The following TTC9 variants were observed in gnomAD, a reference collection of about 807,000 sequenced individuals.
TTC9 encodes tetratricopeptide repeat domain 9.
TTC9 carries 13 observed loss-of-function variants against 22.9 expected under a neutral mutation model. The observed-to-expected ratio is 0.57, with a 90% CI of 0.37 to 0.90. TTC9 has a LOEUF of 0.90. TTC9 is among the 40% of genes least tolerant of loss of function. The pLI, the probability that TTC9 is intolerant of heterozygous loss-of-function variation, is 0.01. For synonymous variants in TTC9, 148 were observed against 133.2 expected (o/e 1.11, Z -0.77); for missense variants, 280 against 291.8 (o/e 0.96, Z 0.29).
In TTC9 at chr14:70,642,544, C is replaced by T; in HGVS notation, c.406+9C>T. ...TTACAACAGCCTGGCAGGTGAGCCG[C>T]GCCGCGCCCCCCGCGCCGCGGTCCC... On this transcript the variant is annotated intron_variant, in intron 1 of 2. Coordinates refer to ENST00000256367, the MANE Select transcript of TTC9 (RefSeq NM_015351.2). 1 of 1,532,610 alleles carries T rather than the reference C, an allele frequency of 6.5e-7. No individual in the cohort carries two copies. Among genetic ancestry groups the T allele is most frequent in the Non-Finnish European group, 8.8e-7 (1 of 1,140,780 alleles). The allele number at this position is 1,532,610 out of a possible 1,614,324, so 94.9% of individuals were successfully genotyped here. A position where few individuals can be genotyped will look rare whatever the true frequency, so the allele number is the denominator to read the frequency against.
chr14:70,645,044 G>A (rs1180844158), intron 1 of TTC9, among the ~76,000 whole-genome samples: 3 of 152,014 alleles, frequency 2.0e-5, no homozygotes, highest in Admixed American at 6.5e-5. Context: ...CCCGGGAGGC[G>A]GAGCTTGCAG....
At chr14:70,668,488 A>G (rs1886246515) in intron 2 of TTC9, among the ~76,000 whole-genome samples, 1 of 152,224 alleles carries the variant, frequency 6.6e-6, no homozygotes, top group Admixed American at 6.5e-5. Context: ...GCAAACAAAT[A>G]GTAAACAAAT....
intron 2 of TTC9, among the ~76,000 whole-genome samples, chr14:70,669,620 T>G (rs1886264515): frequency 6.6e-6 from 1 of 151,482 alleles, no homozygotes; most frequent in Non-Finnish European, 1.5e-5. Flanking sequence ...CTTTCAAAAG[T>G]CTTTAAAAAA....
chr14:70,668,316 C>G (rs1450846711), intron 2 of TTC9, among the ~76,000 whole-genome samples: 4 of 152,014 alleles, frequency 2.6e-5, no homozygotes, highest in Non-Finnish European at 5.9e-5. Flanking sequence ...TACAATATTG[C>G]TAGGTATATA....
At chr14:70,668,849 TAA>T (rs796950135) in intron 2 of TTC9, among the ~76,000 whole-genome samples, 52 of 91,104 alleles carry the variant, frequency 5.7e-4, no homozygotes, top group South Asian at 1.1e-3. Context: ...AGACCTTGTC[TAA>T]AAAAAAAAAA....
intron 1 of TTC9, among the ~76,000 whole-genome samples, chr14:70,645,333 C>A (rs867874620): frequency 1.3e-5 from 2 of 152,134 alleles, no homozygotes; most frequent in African/African-American, 4.8e-5. Flanking sequence ...TACACAATTA[C>A]CTCTAATCCA....
At chr14:70,647,577 AT>A (rs1443339461) in intron 1 of TTC9, among the ~76,000 whole-genome samples, 1 of 152,172 alleles carries the variant, frequency 6.6e-6, no homozygotes, top group Non-Finnish European at 1.5e-5. Context: ...CAGCATATTC[AT>A]TTAGTTATGG....
rs1885817644 is a variant in TTC9, at chr14:70,642,038, G to T, written c.-92G>T. ...CACGAAGCCTGCGAGGCGCGGGGCC[G>T]GCGCCCGCGGCTTTTAAACCCGGGA... On this transcript the variant is annotated 5_prime_UTR_variant, in exon 1 of 3. Coordinates refer to ENST00000256367, the MANE Select transcript of TTC9 (RefSeq NM_015351.2). 1.1e-6 allele frequency: 1 copy of T among 897,976 alleles called. No homozygotes were observed. The highest frequency in any genetic ancestry group is 1.3e-6 in the Non-Finnish European group (1 of 745,562). 55.6% of individuals were successfully genotyped at this position (897,976 alleles called of 1,614,324 possible).
intron 1 of TTC9, among the ~76,000 whole-genome samples, chr14:70,665,010 T>C (rs1359653485): frequency 2.0e-5 from 3 of 152,232 alleles, no homozygotes; most frequent in Non-Finnish European, 4.4e-5. Context: ...TAACCCTTTG[T>C]GGGAAGGGGG....
At chr14:70,655,157 G>T (rs1390613050) in intron 1 of TTC9, among the ~76,000 whole-genome samples, 1 of 152,242 alleles carries the variant, frequency 6.6e-6, no homozygotes, top group African/African-American at 2.4e-5. Flanking sequence ...ACTTTGGGAG[G>T]CCGAGGTGGG....
chr14:70,669,170 A>T (rs748443656), intron 2 of TTC9, among the ~76,000 whole-genome samples: 1 of 152,126 alleles, frequency 6.6e-6, no homozygotes, highest in African/African-American at 2.4e-5. Context: ...AATAAAAAAG[A>T]GTAAAGAGGG....
In TTC9 at chr14:70,671,084, G is replaced by A. The variant is rs1271970973; in HGVS notation, c.598G>A (p.Val200Met). 12 of 1,613,512 alleles carry A rather than the reference G, an allele frequency of 7.4e-6. No homozygotes were observed. The highest frequency in any genetic ancestry group is 2.2e-5 in the East Asian group (1 of 44,854). The change falls in exon 3 of 3, where the codon GTG becomes ATG. Residue 200 changes from valine to methionine, a missense_variant. By Grantham distance (21) the Val-to-Met change is conservative. Transcript: ENST00000256367. ...ARTQQPTDTN[V>M]IRYIQLTEMK... ...TATTTCTCTCCTCACAGACACCAAC[G>A]TGATTCGGTATATCCAGCTGACGGA... is the stretch of plus-strand genomic sequence containing the variant.
At chr14:70,650,390 G>A (rs949687471) in intron 1 of TTC9, among the ~76,000 whole-genome samples, 6 of 151,374 alleles carry the variant, frequency 4.0e-5, no homozygotes, top group African/African-American at 7.3e-5. Flanking sequence ...ACCACTGCAC[G>A]CCAGCCTGGG....
chr14:70,643,064 A>G (rs1360449059), intron 1 of TTC9, among the ~76,000 whole-genome samples: 1 of 152,258 alleles, frequency 6.6e-6, no homozygotes, highest in Non-Finnish European at 1.5e-5. Flanking sequence ...CCATGCCTTC[A>G]GCATCTTGAG....
chr14:70,662,708 A>G (rs1257671789), intron 1 of TTC9, among the ~76,000 whole-genome samples: 1 of 152,260 alleles, frequency 6.6e-6, no homozygotes, highest in African/African-American at 2.4e-5. Flanking sequence ...AGTAATTTTC[A>G]TAATGTTGGC....
chr14:70,672,729 A>C lies in TTC9; in HGVS notation c.*1574A>C, dbSNP rs1291952549. ...TTCAGATCTTTACATGTATAATCTC[A>C]TTTCTTTCATGCAGTTACTCTGGGA... On this transcript the variant is annotated 3_prime_UTR_variant, in exon 3 of 3. Coordinates refer to ENST00000256367, the MANE Select transcript of TTC9 (RefSeq NM_015351.2). 1 of 152,198 alleles carries C rather than the reference A, an allele frequency of 6.6e-6. No individual in the cohort carries two copies. The highest frequency in any genetic ancestry group is 1.5e-5 in the Non-Finnish European group (1 of 68,042). The allele number at this position is 152,198 out of a possible 1,614,324, so 9.4% of individuals were successfully genotyped here.
At position 70,642,431 on chromosome 14, in the gene TTC9, C is replaced by T. The variant is rs777504103; in HGVS notation, c.302C>T (p.Ser101Leu). Reference protein sequence around the residue: ...LPPPGERERDSRPASPAGALK... With the variant: ...LPPPGERERDLRPASPAGALK... Reference sequence around the variant, plus strand: ...CCCCCCGGGGAACGGGAGCGGGACTCGCGCCCGGCCTCCCCGGCTGGGGCC... The same window carrying T: ...CCCCCCGGGGAACGGGAGCGGGACTTGCGCCCGGCCTCCCCGGCTGGGGCC... Residue 101 changes from serine (S) to leucine (L), a missense_variant, in exon 1 of 3, where the codon TCG becomes TTG. Transcript: ENST00000256367. The T allele has an allele frequency of 6.3e-7, 1 of 1,576,912 alleles. No individual in the cohort carries two copies. The highest frequency in any genetic ancestry group is 8.6e-7 in the Non-Finnish European group (1 of 1,162,920).
In TTC9 at chr14:70,641,921, A is replaced by AGGCGGC. The variant is rs372979473; in HGVS notation, c.-196_-191dup. 4.8e-4 allele frequency: 87 copies of AGGCGGC among 182,034 alleles called. No homozygotes were observed. Among genetic ancestry groups the AGGCGGC allele is most frequent in the African/African-American group, 1.9e-3 (79 of 41,726 alleles). The allele number at this position is 182,034 out of a possible 1,614,324, so 11.3% of individuals were successfully genotyped here. A position where few individuals can be genotyped will look rare whatever the true frequency, so the allele number is the denominator to read the frequency against. On this transcript the variant is annotated 5_prime_UTR_variant, in exon 1 of 3. Coordinates refer to ENST00000256367, the MANE Select transcript of TTC9 (RefSeq NM_015351.2). ...GAGGCGGGGGAGGGGCCGGCGTCCG[A>AGGCGGC]GGCGGCGGCGGCGGCGGCTGGAGCA...
intron 1 of TTC9, among the ~76,000 whole-genome samples, chr14:70,655,400 A>G (rs1886049128): frequency 6.9e-6 from 1 of 145,888 alleles, no homozygotes; most frequent in Admixed American, 6.7e-5. Flanking sequence ...ACTCCATCTC[A>G]AGAAACAAAA....
Sources: gnomAD v4.1 joint callset for allele counts (sites outside exome capture counted in the v4.1 genomes callset) on GRCh38, gnomAD v4.1.1 for gene constraint, MANE v1.5 for transcripts, NCBI Gene and HGNC (gene_info 2026-07-23, HGNC 2026-07-21) for gene names.